Variants in PLCH2 observed in about 807,000 individuals in gnomAD.
PLCH2 encodes 1-phosphatidylinositol 4,5-bisphosphate phosphodiesterase eta-2.
PLCH2 carries 98 observed loss-of-function variants against 134.7 expected under a neutral mutation model. The ratio of observed to expected loss-of-function variants is 0.73; its 90% CI spans 0.62 to 0.86. The LOEUF (loss-of-function observed/expected upper bound fraction) is 0.86, where lower values mean the gene tolerates loss of function less well. PLCH2 is among the 40% of genes least tolerant of loss of function. The probability of loss-of-function intolerance (pLI) is 0.00; values close to 1 mark genes in which losing one functional copy is unlikely to be tolerated. For synonymous variants in PLCH2, 974 were observed against 827.5 expected, an observed-to-expected ratio of 1.18 and a Z score of -3.04; for missense variants, 1,994 against 1,986.6, an observed-to-expected ratio of 1.00 and a Z score of -0.07.
At chr1:2,453,435 T>C (rs1557962214) in intron 2 of PLCH2, among the ~76,000 whole-genome samples, 1 of 152,186 alleles carries the variant, frequency 6.6e-6, no homozygotes, top group South Asian at 2.1e-4. Context: ...TGGGAGCGTC[T>C]GTGCACACCG....
Position 2,451,202 on chromosome 1 carries a change from G to A in PLCH2, c.115+20573G>A, listed in dbSNP as rs139881596. On this transcript the variant is annotated intron_variant, in intron 2 of 3. Coordinates refer to the PLCH2 transcript ENST00000609981. ...TGTCCACGTCAACAAGGTGCCGGGC[G>A]CTTCTCCACTCCCCAGGGCCCTCCC... 4.5e-3 allele frequency among the ~76,000 whole-genome samples: 679 copies of A among 152,288 alleles called. 5 individuals carry two copies. Among genetic ancestry groups the A allele is most frequent in the Middle Eastern group, 6.8e-3 (2 of 294 alleles).
At chr1:2,481,421 A>G (rs1641963697) in intron 4 of PLCH2, among the ~76,000 whole-genome samples, 1 of 152,204 alleles carries the variant, frequency 6.6e-6, no homozygotes, top group African/African-American at 2.4e-5. Context: ...ATCCCCAGCC[A>G]CATTTTGGGC....
chr1:2,496,571 G>A (rs1570472353), intron 13 of PLCH2, 36 bp from the exon 14 acceptor site: 1 of 1,559,982 alleles, frequency 6.4e-7, no homozygotes, highest in Non-Finnish European at 8.7e-7. Flanking sequence ...GCTGGCCCTG[G>A]ACGGGAGGGG....
chr1:2,440,564 C>T (rs867652570), intron 2 of PLCH2, among the ~76,000 whole-genome samples: 2 of 108,114 alleles, frequency 1.8e-5, no homozygotes, highest in African/African-American at 8.8e-5. Flanking sequence ...TTGCCTGGCC[C>T]GCCCGGGGAT....
At chr1:2,492,931 C>A (rs1372657142) in intron 11 of PLCH2, among the ~76,000 whole-genome samples, 1 of 152,124 alleles carries the variant, frequency 6.6e-6, no homozygotes, top group Non-Finnish European at 1.5e-5. Flanking sequence ...GCCCCACCCC[C>A]AGAAAGCTGA....
Position 2,498,704 on chromosome 1 carries a change from C to A in PLCH2, c.2350-40C>A, listed in dbSNP as rs371389565. The stretch of plus-strand genomic sequence containing the variant: ...TGGGAGTTGGGGGCGGGCCGGGCAT[C>A]GCGATGGGCCCTGATGCCACCCCCA... On this transcript the variant is annotated intron_variant, in intron 17 of 21. Coordinates refer to ENST00000378486, the MANE Select transcript of PLCH2 (RefSeq NM_014638.4). This position sits in a 1 kb window ranked among gnomAD's most constrained non-coding sequence, Gnocchi z 5.4. 1 of 1,567,142 alleles carries A rather than the reference C, an allele frequency of 6.4e-7. No individual in the cohort carries two copies. The highest frequency in any genetic ancestry group is 1.2e-5 in the South Asian group (1 of 86,394).
chr1:2,499,353 G>C (rs1384861054), intron 19 of PLCH2, 123 bp downstream of exon 19: 2 of 1,234,778 alleles, frequency 1.6e-6, no homozygotes, highest in African/African-American at 3.0e-5. Context: ...AAAGAGACAG[G>C]AGCTGAGGAC....
upstream of PLCH2, among the ~76,000 whole-genome samples, chr1:2,474,356 G>A (rs1641501930): frequency 1.3e-5 from 2 of 151,682 alleles, no homozygotes; most frequent in South Asian, 2.1e-4. Flanking sequence ...TGGACCTCAG[G>A]GCAGGCAGGG....
chr1:2,455,426 A>C (rs960597877), intron 2 of PLCH2, among the ~76,000 whole-genome samples: 16 of 152,132 alleles, frequency 1.1e-4, no homozygotes, highest in African/African-American at 3.4e-4. Flanking sequence ...CACTGTTCCC[A>C]GGGCCTGTGC....
At position 2,498,929 on chromosome 1, in the gene PLCH2, A is replaced by G. The variant is rs113006593; in HGVS notation, c.2434+101A>G. Reference sequence around the variant, plus strand: ...CGGGTGCCCTGCCCAGGCCTCCCTCAGTGACAGTCCTGGGCGCCCTCCCCT... The same window carrying G: ...CGGGTGCCCTGCCCAGGCCTCCCTCGGTGACAGTCCTGGGCGCCCTCCCCT... On this transcript the variant is annotated intron_variant, in intron 18 of 21. Coordinates refer to ENST00000378486, the MANE Select transcript of PLCH2 (RefSeq NM_014638.4). This position sits in a 1 kb window ranked among gnomAD's most constrained non-coding sequence, Gnocchi z 5.4. The G allele has an allele frequency of 2.0e-5, 27 of 1,331,988 alleles. 1 individual carries two copies. The African/African-American group carries it at 2.3e-4, about 11-fold the overall frequency. The allele number at this position is 1,331,988 out of a possible 1,614,324, so 82.5% of individuals were successfully genotyped here. A position where few individuals can be genotyped will look rare whatever the true frequency, so the allele number is the denominator to read the frequency against.
chr1:2,442,058 G>T (rs1371405104), intron 2 of PLCH2, among the ~76,000 whole-genome samples: 1 of 152,122 alleles, frequency 6.6e-6, no homozygotes, highest in East Asian at 1.9e-4. Flanking sequence ...AAAGCCTCGG[G>T]AGCGGAGCTG....
chr1:2,466,836 G>A (rs950497277), upstream of PLCH2, among the ~76,000 whole-genome samples: 1 of 152,212 alleles, frequency 6.6e-6, no homozygotes, highest in Non-Finnish European at 1.5e-5. Flanking sequence ...GCACTGGACA[G>A]ACAGGGCAGG....
intron 2 of PLCH2, among the ~76,000 whole-genome samples, chr1:2,450,420 G>A (rs886646777): frequency 4.6e-5 from 7 of 151,862 alleles, no homozygotes; most frequent in East Asian, 1.9e-4. Flanking sequence ...TGTTTCCCGC[G>A]GCATTCAGAA....
intron 1 of PLCH2, among the ~76,000 whole-genome samples, chr1:2,427,130 G>A (rs1638836000): frequency 6.6e-6 from 1 of 152,252 alleles, no homozygotes; most frequent in South Asian, 2.1e-4. Flanking sequence ...ACGGAAGTCA[G>A]GGTAGCAGGG....
At position 2,486,981 on chromosome 1, in the gene PLCH2, G is replaced by C. The variant is rs774130610; in HGVS notation, c.891G>C (p.Lys297Asn). The change falls in exon 6 of 22, where the codon AAG becomes AAC. Residue 297 changes from lysine (K) to asparagine (N), a missense_variant. Lys to Asn is a moderately conservative substitution (Grantham distance 94). Transcript: ENST00000378486. ...QFEPCPENKS[K>N]GLLGIDGFTN... ...AGCCATGCCCAGAAAACAAGAGTAA[G>C]GGGCTGCTGGGCATTGATGGTGAGT... 4 of 1,601,956 alleles carry C rather than the reference G, an allele frequency of 2.5e-6. No homozygotes were observed. In the East Asian group the frequency reaches 6.8e-5, roughly 27 times the overall value.
At chr1:2,456,399 TCTAGCCACGCGCTCTGGGGCTCGTCAAA>T (rs1192821027) in intron 2 of PLCH2, among the ~76,000 whole-genome samples, 48 of 152,194 alleles carry the variant, frequency 3.2e-4, no homozygotes, top group Non-Finnish European at 5.9e-4. Context: ...CGGGTGGCGC[TCTAGCCACGCGCTCTGGGGCTCGTCAAA>T]AAGACTTAAA....
intron 4 of PLCH2, among the ~76,000 whole-genome samples, chr1:2,480,583 C>T (rs780132461): frequency 6.6e-6 from 1 of 151,988 alleles, no homozygotes; most frequent in Non-Finnish European, 1.5e-5. Flanking sequence ...GTCGGGGCAC[C>T]TGGCACAGGC....
At position 2,498,076 on chromosome 1, in the gene PLCH2, G is replaced by A. The variant is rs572406577; in HGVS notation, c.2225-447G>A. 167 of 234,620 alleles carry A rather than the reference G, an allele frequency of 7.1e-4. 1 individual carries two copies. The South Asian group carries it at 0.014, about 19-fold the overall frequency. 14.5% of individuals were successfully genotyped at this position (234,620 alleles called of 1,614,324 possible). A position where few individuals can be genotyped will look rare whatever the true frequency, so the allele number is the denominator to read the frequency against. On this transcript the variant is annotated intron_variant, in intron 16 of 21. Coordinates refer to ENST00000378486, the MANE Select transcript of PLCH2 (RefSeq NM_014638.4). This position sits in a 1 kb window ranked among gnomAD's most constrained non-coding sequence, Gnocchi z 5.4. ...TGGCCCTGGCAGGAGTATCACCATG[G>A]GAGAGGGCAGGACAGGGGCTGGGCG...
At position 2,439,924 on chromosome 1, in the gene PLCH2, G is replaced by C. The variant is rs573510147; in HGVS notation, c.115+9295G>C. Among the ~76,000 whole-genome samples, 1 of 152,296 alleles carries C rather than the reference G, an allele frequency of 6.6e-6. No homozygotes were observed. Among genetic ancestry groups the C allele is most frequent in the Non-Finnish European group, 1.5e-5 (1 of 68,014 alleles). On this transcript the variant is annotated intron_variant, in intron 2 of 3. Coordinates refer to the PLCH2 transcript ENST00000609981. The surrounding 1 kb of genome is among the most constrained non-coding windows in gnomAD (Gnocchi z 4.7). ...AAGGGCAGACTCAAAATCAGGGCAA[G>C]GTCATGTCCGGGACACTGCGGGGGA...
Sources: allele counts gnomAD v4.1 joint callset (sites outside exome capture counted in the v4.1 genomes callset), GRCh38; gene constraint gnomAD v4.1.1; non-coding constraint Gnocchi (gnomAD v3.1); transcripts MANE v1.5; gene names NCBI Gene and HGNC (gene_info 2026-07-23, HGNC 2026-07-21).